ACTR3C: variants seen among roughly 807,000 people sequenced by gnomAD.
ACTR3C encodes the protein actin-related protein 3C.
ACTR3C carries 18 observed loss-of-function variants against 26.3 expected under a neutral mutation model. That is an observed-to-expected ratio of 0.68 (90% CI 0.47 to 1.01). The LOEUF is 1.01. Ranked by LOEUF, ACTR3C falls within the 50% of genes least tolerant of loss-of-function variation. ACTR3C has a pLI of 0.00. For missense variants in ACTR3C, 184 were observed against 250.7 expected (o/e 0.73, Z 1.80); for synonymous variants, 55 against 94.5 (o/e 0.58, Z 2.42).
the ACTR3C span, among the ~76,000 whole-genome samples, chr7:149,908,073 T>C: frequency 1.3e-5 from 2 of 151,560 alleles, no homozygotes; most frequent in Non-Finnish European, 2.9e-5. Context: ...GTGGTGGCCT[T>C]ATCAGCAGAG....
At chr7:150,105,140 T>C in the ACTR3C span, among the ~76,000 whole-genome samples, 1 of 150,830 alleles carries the variant, frequency 6.6e-6, no homozygotes, top group Non-Finnish European at 1.5e-5. Flanking sequence ...CAGACTGCAG[T>C]GGCGCTATCT....
chr7:150,188,093 A>T, the ACTR3C span, among the ~76,000 whole-genome samples: 1 of 151,202 alleles, frequency 6.6e-6, no homozygotes, highest in Non-Finnish European at 1.5e-5. Flanking sequence ...TCTGAACTCC[A>T]CCACTTCCCC....
chr7:149,944,250 T>C, the ACTR3C span, among the ~76,000 whole-genome samples: 6 of 152,034 alleles, frequency 3.9e-5, no homozygotes, highest in East Asian at 3.8e-4. Context: ...CTTATTCTTA[T>C]AGATGAGGGA....
chr7:150,004,082 ATG>A, the ACTR3C span, among the ~76,000 whole-genome samples: 1 of 140,656 alleles, frequency 7.1e-6, no homozygotes, highest in Non-Finnish European at 1.5e-5. Flanking sequence ...GTGGTGTGTT[ATG>A]TGCTGTGTGT....
the ACTR3C span, among the ~76,000 whole-genome samples, chr7:149,994,560 C>T: frequency 1.3e-5 from 2 of 152,014 alleles, no homozygotes; most frequent in Non-Finnish European, 2.9e-5. Flanking sequence ...CTGTGCCATT[C>T]ATTGCACTCC....
chr7:150,318,233 T>C (rs1746251167), intron 1 of ACTR3C, among the ~76,000 whole-genome samples: 1 of 152,118 alleles, frequency 6.6e-6, no homozygotes, highest in South Asian at 2.1e-4. Context: ...TCAGAGATCA[T>C]TATGGAGTGG....
the ACTR3C span, among the ~76,000 whole-genome samples, chr7:149,998,007 C>T: frequency 4.6e-5 from 7 of 150,914 alleles, no homozygotes; most frequent in Admixed American, 1.3e-4. Flanking sequence ...GTATATATCA[C>T]TGCCAAATGC....
At chr7:149,891,233 A>G in the ACTR3C span, 3 of 1,295,028 alleles carry the variant, frequency 2.3e-6, no homozygotes, top group Non-Finnish European at 3.2e-6. Context: ...GAAGATATTT[A>G]AAAACCACTT....
At chr7:150,134,572 A>G in the ACTR3C span, among the ~76,000 whole-genome samples, 4 of 152,266 alleles carry the variant, frequency 2.6e-5, no homozygotes, top group Non-Finnish European at 5.9e-5. Flanking sequence ...AGTTCAGGTC[A>G]CAGCCCCATA....
At chr7:150,124,794 A>G in the ACTR3C span, among the ~76,000 whole-genome samples, 3 of 152,206 alleles carry the variant, frequency 2.0e-5, no homozygotes, top group Non-Finnish European at 4.4e-5. Flanking sequence ...AGCAACAAGA[A>G]TGATAGTAAA....
the ACTR3C span, among the ~76,000 whole-genome samples, chr7:150,224,027 G>A: frequency 1.3e-5 from 2 of 152,202 alleles, no homozygotes; most frequent in African/African-American, 2.4e-5. Flanking sequence ...CCATGTGAGT[G>A]TCACCAGCCA....
the ACTR3C span, among the ~76,000 whole-genome samples, chr7:150,027,296 A>C: frequency 6.6e-6 from 1 of 152,004 alleles, no homozygotes; most frequent in Non-Finnish European, 1.5e-5. Context: ...TTTGAGACGG[A>C]GTCTCGCTCT....
At chr7:150,271,902 C>G (rs935704715) in intron 6 of ACTR3C, among the ~76,000 whole-genome samples, 2 of 148,514 alleles carry the variant, frequency 1.3e-5, no homozygotes, top group Admixed American at 1.3e-4. Context: ...TACCTCCCCC[C>G]TCGCCCAGAT....
the ACTR3C span, among the ~76,000 whole-genome samples, chr7:150,236,109 A>G: frequency 6.6e-6 from 1 of 152,240 alleles, no homozygotes; most frequent in Non-Finnish European, 1.5e-5. Context: ...GGCCGAAGCA[A>G]TAACCAGGGA....
the ACTR3C span, among the ~76,000 whole-genome samples, chr7:150,224,082 A>T: frequency 0.012 from 1,804 of 152,340 alleles, 34 homozygotes; most frequent in African/African-American, 0.041. Context: ...GAGTACAAGC[A>T]AGATGGAAAT....
At chr7:149,886,111 T>C in the ACTR3C span, among the ~76,000 whole-genome samples, 3 of 152,268 alleles carry the variant, frequency 2.0e-5, no homozygotes, top group African/African-American at 7.2e-5. Context: ...TTAATTTCAT[T>C]ATATTTACAT....
the ACTR3C span, among the ~76,000 whole-genome samples, chr7:150,205,456 T>C: frequency 6.6e-6 from 1 of 152,206 alleles, no homozygotes; most frequent in Non-Finnish European, 1.5e-5. Context: ...TGAGCTCTTA[T>C]CTCTCCCAAC....
the ACTR3C span, among the ~76,000 whole-genome samples, chr7:150,089,511 T>C: frequency 6.6e-6 from 1 of 152,224 alleles, no homozygotes; most frequent in Non-Finnish European, 1.5e-5. Flanking sequence ...GTCAGGACTT[T>C]CTTCCTTGGG....
the ACTR3C span, among the ~76,000 whole-genome samples, chr7:150,072,979 T>C: frequency 6.6e-6 from 1 of 152,170 alleles, no homozygotes; most frequent in Non-Finnish European, 1.5e-5. Context: ...TCTCTGTTCA[T>C]CTGAAAACCA....
Sources: gnomAD v4.1 joint callset for allele counts (sites outside exome capture counted in the v4.1 genomes callset) on GRCh38, gnomAD v4.1.1 for gene constraint, MANE v1.5 for transcripts, NCBI Gene and HGNC (gene_info 2026-07-23, HGNC 2026-07-21) for gene names.